The following MICU1 variants were observed in gnomAD, a reference collection of about 807,000 sequenced individuals.
MICU1 encodes calcium uptake protein 1, mitochondrial.
In MICU1, 45 loss-of-function variants were observed where a neutral mutation model predicts 56.8. That is an observed-to-expected ratio of 0.79 (90% CI 0.62 to 1.02). MICU1 has a LOEUF of 1.02. Ranked by LOEUF, MICU1 falls within the 50% of genes least tolerant of loss-of-function variation. The probability of loss-of-function intolerance (pLI) is 0.00; values close to 1 mark genes in which losing one functional copy is unlikely to be tolerated. For missense variants in MICU1, 504 were observed against 587.1 expected, an observed-to-expected ratio of 0.86 and a Z score of 1.46; for synonymous variants, 186 against 195.1, an observed-to-expected ratio of 0.95 and a Z score of 0.39.
chr10:72,392,236 C>T (rs1380568884), intron 10 of MICU1, among the ~76,000 whole-genome samples: 1 of 152,044 alleles, frequency 6.6e-6, no homozygotes. Context: ...GGAACCAAAC[C>T]CCTGAAGATA....
At chr10:72,553,265 G>A (rs1049741958) in intron 3 of MICU1, among the ~76,000 whole-genome samples, 5 of 141,346 alleles carry the variant, frequency 3.5e-5, no homozygotes, top group African/African-American at 8.0e-5. Context: ...ACAGAGTCTC[G>A]CTCTGTTGCC....
intron 8 of MICU1, among the ~76,000 whole-genome samples, chr10:72,462,733 G>A (rs907901057): frequency 6.6e-6 from 1 of 152,078 alleles, no homozygotes; most frequent in Admixed American, 6.6e-5. Flanking sequence ...CCAAATAAAT[G>A]ACCTAAGAAC....
chr10:72,552,637 C>A (rs1288160783), intron 3 of MICU1, among the ~76,000 whole-genome samples: 1 of 152,028 alleles, frequency 6.6e-6, no homozygotes, highest in Non-Finnish European at 1.5e-5. Context: ...CTCACTGCAA[C>A]CTTCGCCTCC....
intron 5 of MICU1, among the ~76,000 whole-genome samples, chr10:72,523,323 G>A (rs905926545): frequency 2.6e-5 from 4 of 152,184 alleles, no homozygotes; most frequent in Non-Finnish European, 5.9e-5. Context: ...TGATGTTTGT[G>A]CCATGGCTGT....
At chr10:72,430,808 C>G (rs146206996) in intron 8 of MICU1, among the ~76,000 whole-genome samples, 2 of 152,194 alleles carry the variant, frequency 1.3e-5, no homozygotes, top group Non-Finnish European at 2.9e-5. Flanking sequence ...GATCCGCCAG[C>G]CTCAGCCTCC....
At chr10:72,522,182 C>CT (rs1380121783) in intron 5 of MICU1, among the ~76,000 whole-genome samples, 1 of 151,986 alleles carries the variant, frequency 6.6e-6, no homozygotes, top group Non-Finnish European at 1.5e-5. Flanking sequence ...TCTTATAGAA[C>CT]TTTATTTATG....
intron 8 of MICU1, among the ~76,000 whole-genome samples, chr10:72,452,646 T>C (rs750311894): frequency 1.3e-5 from 2 of 152,184 alleles, no homozygotes; most frequent in Admixed American, 6.5e-5. Flanking sequence ...GACAAGTTTG[T>C]AGCCTTGGAG....
chr10:72,511,840 G>A (rs762894979), intron 5 of MICU1, among the ~76,000 whole-genome samples: 20 of 152,106 alleles, frequency 1.3e-4, no homozygotes, highest in Non-Finnish European at 2.8e-4. Flanking sequence ...AGAAAAGTCT[G>A]CCCCAGCTCT....
intron 9 of MICU1, among the ~76,000 whole-genome samples, chr10:72,417,129 C>A (rs1864007379): frequency 6.6e-6 from 1 of 152,090 alleles, no homozygotes; most frequent in Admixed American, 6.6e-5. Context: ...ACATATTTTT[C>A]TCTTACTAGA....
At chr10:72,450,748 G>A (rs1474701407) in intron 8 of MICU1, among the ~76,000 whole-genome samples, 1 of 138,004 alleles carries the variant, frequency 7.2e-6, no homozygotes, top group African/African-American at 2.8e-5. Context: ...TTTTTGAGAT[G>A]GGATCTCACT....
chr10:72,439,550 G>A (rs186013769), intron 8 of MICU1, among the ~76,000 whole-genome samples: 31 of 152,256 alleles, frequency 2.0e-4, no homozygotes, highest in Admixed American at 2.0e-3. Flanking sequence ...GTTCTGGCCA[G>A]GGCAATCAAG....
At chr10:72,435,012 A>C (rs888611986) in intron 8 of MICU1, among the ~76,000 whole-genome samples, 1 of 132,462 alleles carries the variant, frequency 7.5e-6, no homozygotes, top group East Asian at 1.9e-4. Flanking sequence ...ATAATAATTA[A>C]GATATAGGAT....
At chr10:72,465,846 C>A (rs1455294031) in intron 8 of MICU1, among the ~76,000 whole-genome samples, 1 of 152,042 alleles carries the variant, frequency 6.6e-6, no homozygotes, top group Non-Finnish European at 1.5e-5. Context: ...ACATTTAAAG[C>A]CTTTTCCATC....
chr10:72,560,584 C>T (rs745796202), intron 3 of MICU1: 2 of 152,074 alleles, frequency 1.3e-5, no homozygotes, highest in Non-Finnish European at 2.9e-5. Context: ...AAACTTATGA[C>T]ATAAGCCAGG....
chr10:72,380,666 G>A (rs1266510277), intron 10 of MICU1, among the ~76,000 whole-genome samples: 5 of 152,198 alleles, frequency 3.3e-5, no homozygotes, highest in African/African-American at 9.7e-5. Context: ...GAAATGTGAC[G>A]TTAAATAATT....
chr10:72,541,163 C>G (rs140564904), intron 4 of MICU1, among the ~76,000 whole-genome samples: 3 of 152,180 alleles, frequency 2.0e-5, no homozygotes, highest in African/African-American at 7.2e-5. Context: ...GGCAAGAGCC[C>G]GGGAATTGGA....
chr10:72,571,615 T>C (rs1274781971), intron 1 of MICU1, among the ~76,000 whole-genome samples: 1 of 152,092 alleles, frequency 6.6e-6, no homozygotes, highest in African/African-American at 2.4e-5. Context: ...TAGCAGTGCA[T>C]GGAATAAACT....
chr10:72,610,241 A>G (rs1461828061), intron 1 of MICU1, among the ~76,000 whole-genome samples: 1 of 140,116 alleles, frequency 7.1e-6, no homozygotes, highest in African/African-American at 2.7e-5. Flanking sequence ...AGCATAAGTG[A>G]CAGAGTGACA....
At chr10:72,415,276 A>G (rs1043150810) in intron 9 of MICU1, among the ~76,000 whole-genome samples, 6 of 152,124 alleles carry the variant, frequency 3.9e-5, no homozygotes, top group Admixed American at 1.3e-4. Context: ...TTGGCCTCCC[A>G]AAGTGCTGGG....
Sources: allele counts gnomAD v4.1 joint callset (sites outside exome capture counted in the v4.1 genomes callset), GRCh38; gene constraint gnomAD v4.1.1; transcripts MANE v1.5; gene names NCBI Gene and HGNC (gene_info 2026-07-23, HGNC 2026-07-21).